Variants in UTRN observed in about 807,000 individuals in gnomAD.
UTRN encodes utrophin, also known as dystrophin-related protein 1.
In UTRN, 283 loss-of-function variants were observed where a neutral mutation model predicts 463.9. That is an observed-to-expected ratio of 0.61 (90% CI 0.55 to 0.67). The LOEUF (loss-of-function observed/expected upper bound fraction) is 0.67, where lower values mean the gene tolerates loss of function less well. Among genes scored for constraint, UTRN ranks in the 30% least tolerant of loss-of-function variants. The pLI is 0.00. For missense variants in UTRN, 3,922 were observed against 4,084.3 expected (o/e 0.96, Z 1.08); for synonymous variants, 1,442 against 1,431.5 (o/e 1.01, Z -0.17).
At chr6:144,360,010 TTA>T (rs1778905391) in intron 2 of UTRN, among the ~76,000 whole-genome samples, 1 of 150,806 alleles carries the variant, frequency 6.6e-6, no homozygotes, top group South Asian at 2.1e-4. Context: ...CAGTACCCTT[TTA>T]TTTCTCTTTT....
intron 4 of UTRN, 50 bp from the exon 5 acceptor site, chr6:144,423,499 G>A (rs1440401187): frequency 9.0e-6 from 14 of 1,560,938 alleles, no homozygotes; most frequent in Admixed American, 1.7e-5. Flanking sequence ...TGTTAGTCAG[G>A]CATATGGAGG....
At chr6:144,609,780 T>TTGGAAAATAAACAAATATG (rs1805275087) in intron 51 of UTRN, among the ~76,000 whole-genome samples, 1 of 152,064 alleles carries the variant, frequency 6.6e-6, no homozygotes, top group African/African-American at 2.4e-5. Context: ...AGGAGAAATC[T>TTGGAAAATAAACAAATATG]TGGAAAATAA....
chr6:144,293,012 G>A (rs1287921085), intron 2 of UTRN, among the ~76,000 whole-genome samples: 1 of 152,158 alleles, frequency 6.6e-6, no homozygotes, highest in African/African-American at 2.4e-5. Context: ...CTATTGTGTA[G>A]CTTGACGGGT....
intron 17 of UTRN, among the ~76,000 whole-genome samples, chr6:144,450,319 G>C (rs1788138237): frequency 6.6e-6 from 1 of 152,074 alleles, no homozygotes; most frequent in African/African-American, 2.4e-5. Context: ...TGTGATTCTT[G>C]GCCACATCGT....
At chr6:144,658,541 T>TCC (rs71707638) in intron 51 of UTRN, among the ~76,000 whole-genome samples, 2,668 of 150,364 alleles carry the variant, frequency 0.018, 34 homozygotes, top group Middle Eastern at 0.031. Flanking sequence ...TTTTAGGGGT[T>TCC]CCCCCCCCCA....
chr6:144,707,311 T>C (rs531209373), intron 53 of UTRN, among the ~76,000 whole-genome samples: 10 of 152,148 alleles, frequency 6.6e-5, no homozygotes, highest in Non-Finnish European at 1.3e-4. Context: ...TTTAACATTA[T>C]TAGAGAGAAA....
intron 2 of UTRN, among the ~76,000 whole-genome samples, chr6:144,315,756 C>T (rs2114569746): frequency 6.6e-6 from 1 of 152,304 alleles, no homozygotes; most frequent in Non-Finnish European, 1.5e-5. Context: ...TGCCTTTATG[C>T]AGTGGACAGA....
intron 61 of UTRN, among the ~76,000 whole-genome samples, chr6:144,788,183 T>G (rs1394595357): frequency 1.3e-5 from 2 of 152,182 alleles, no homozygotes; most frequent in African/African-American, 4.8e-5. Flanking sequence ...TGTTGATTAA[T>G]TAATACATTC....
At position 144,771,917 on chromosome 6, in the gene UTRN, C is replaced by A. The variant is rs780704091; in HGVS notation, c.8506C>A (p.Gln2836Lys). ...KVPYYINHQTQTTCWDHPKMT... is the reference protein window; with the variant it reads ...KVPYYINHQTKTTCWDHPKMT... ...ACCTTTTTTTTCCAGCCATCAAACACAGACCACCTGTTGGGACCATCCTAA... is the reference window on the plus strand; with the variant it reads ...ACCTTTTTTTTCCAGCCATCAAACAAAGACCACCTGTTGGGACCATCCTAA... The change falls in exon 59 of 75, where the codon CAG becomes AAG. Residue 2836 changes from glutamine (Q) to lysine (K), a missense_variant. This residue lies in a region of UTRN where 1,309 missense variants were observed against 1,452.6 expected (regional missense o/e 0.90). Transcript: ENST00000367545. The A allele has an allele frequency of 6.4e-7, 1 of 1,572,326 alleles. No individual in the cohort carries two copies. Among genetic ancestry groups the A allele is most frequent in the Non-Finnish European group, 8.6e-7 (1 of 1,160,452 alleles).
At chr6:144,570,671 T>C (rs774771515) in intron 50 of UTRN, among the ~76,000 whole-genome samples, 1 of 152,236 alleles carries the variant, frequency 6.6e-6, no homozygotes, top group African/African-American at 2.4e-5. Flanking sequence ...ATGGGTGGTC[T>C]AGCTTCTGGA....
At chr6:144,624,366 G>A (rs904531035) in intron 51 of UTRN, among the ~76,000 whole-genome samples, 10 of 152,122 alleles carry the variant, frequency 6.6e-5, no homozygotes, top group Non-Finnish European at 1.5e-4. Context: ...GTAATAGGTG[G>A]AAAGAAGAGG....
intron 53 of UTRN, among the ~76,000 whole-genome samples, chr6:144,720,803 A>G (rs1192331315): frequency 1.3e-5 from 2 of 152,102 alleles, no homozygotes; most frequent in Non-Finnish European, 2.9e-5. Context: ...GTATTTATTC[A>G]TAATGAGGCT....
At chr6:144,697,442 A>T (rs2128696096) in intron 52 of UTRN, among the ~76,000 whole-genome samples, 1 of 152,276 alleles carries the variant, frequency 6.6e-6, no homozygotes, top group East Asian at 1.9e-4. Context: ...AAAGCATTCG[A>T]CCTGTTGCCC....
rs775749891 is a variant in UTRN, at chr6:144,548,761, C to T, written c.6717C>T (p.Ala2239=). 1.7e-5 allele frequency: 28 copies of T among 1,613,840 alleles called. No individual in the cohort carries two copies. In the Admixed American group the frequency reaches 2.3e-4, roughly 13 times the overall value. ...TTGATAAAACTATAACAGAACTAGC[C>T]GACTGGCTGGTATTAATCGACCAGA... ...ADLDKTITEL[A]DWLVLIDQML... The change falls in exon 47 of 75, where the codon GCC becomes GCT. Residue 2239 remains alanine, a synonymous_variant. Coordinates refer to ENST00000367545, the MANE Select transcript of UTRN (RefSeq NM_007124.3).
At chr6:144,584,259 T>C (rs572980126) in intron 51 of UTRN, among the ~76,000 whole-genome samples, 3 of 152,316 alleles carry the variant, frequency 2.0e-5, no homozygotes, top group Non-Finnish European at 1.5e-5. Flanking sequence ...AATCAGCTGC[T>C]GTATTTTTTT....
chr6:144,288,359 C>G (rs936123544), intron 1 of UTRN, among the ~76,000 whole-genome samples: 4 of 152,174 alleles, frequency 2.6e-5, no homozygotes, highest in African/African-American at 9.7e-5. Context: ...TGACTTTTCT[C>G]TTTTATGGGT....
At chr6:144,288,677 A>T (rs1803914095) in intron 1 of UTRN, among the ~76,000 whole-genome samples, 1 of 152,146 alleles carries the variant, frequency 6.6e-6, no homozygotes, top group Non-Finnish European at 1.5e-5. Context: ...CCTATAAAAA[A>T]TGAAAAAAGT....
At position 144,447,232 on chromosome 6, in the gene UTRN, A is replaced by G. The variant is rs764013545; in HGVS notation, c.1636A>G (p.Thr546Ala). ...GTAGTGCTTGTTGAAAGCTTGGTTAACCGAAAAAGAAGAGGCTTTAAATAA... is the reference window on the plus strand; with the variant it reads ...GTAGTGCTTGTTGAAAGCTTGGTTAGCCGAAAAAGAAGAGGCTTTAAATAA... ...EEQCLLKAWL[T>A]EKEEALNKVQ... Residue 546 changes from threonine to alanine, a missense_variant, in exon 15 of 75, where the codon ACC becomes GCC. By Grantham distance (58) the Thr-to-Ala change is moderately conservative. This residue lies in a region of UTRN where 2,349 missense variants were observed against 2,303.8 expected (regional missense o/e 1.02). Transcript: ENST00000367545. The G allele has an allele frequency of 2.3e-5, 37 of 1,613,836 alleles. No homozygotes were observed. The highest frequency in any genetic ancestry group is 1.0e-4 in the Admixed American group (6 of 59,986).
chr6:144,319,912 G>A (rs1427221906), intron 2 of UTRN, among the ~76,000 whole-genome samples: 1 of 151,030 alleles, frequency 6.6e-6, no homozygotes, highest in Non-Finnish European at 1.5e-5. Flanking sequence ...GGAGTGTAAT[G>A]GTGTGATCTT....
Sources: allele counts gnomAD v4.1 joint callset (sites outside exome capture counted in the v4.1 genomes callset), GRCh38; gene constraint gnomAD v4.1.1; regional missense constraint gnomAD v4.1.1; transcripts MANE v1.5; gene names NCBI Gene and HGNC (gene_info 2026-07-23, HGNC 2026-07-21).